The following ATAD3A variants were observed in gnomAD, a reference collection of about 807,000 sequenced individuals.
The protein encoded by ATAD3A is ATPase family AAA domain containing 3A.
Under a neutral mutation model 73.8 loss-of-function variants are expected in ATAD3A, and 46 were observed. The ratio of observed to expected loss-of-function variants is 0.62; its 90% CI spans 0.49 to 0.80. The LOEUF (loss-of-function observed/expected upper bound fraction) is 0.80, where lower values mean the gene tolerates loss of function less well. ATAD3A is among the 30% of genes least tolerant of loss of function. The probability of loss-of-function intolerance (pLI) is 0.00; values close to 1 mark genes in which losing one functional copy is unlikely to be tolerated. For synonymous variants in ATAD3A, 319 were observed against 350.0 expected (o/e 0.91, Z 0.99); for missense variants, 705 against 838.0 (o/e 0.84, Z 1.96).
chr1:1,527,917 C>T (rs1313505489), intron 14 of ATAD3A, 55 bp downstream of exon 14: 4 of 1,554,594 alleles, frequency 2.6e-6, no homozygotes, highest in Non-Finnish European at 3.5e-6. Flanking sequence ...AGGGTCCACC[C>T]CGACCCACAG....
At chr1:1,518,290 C>A (rs1641440567) in intron 4 of ATAD3A, among the ~76,000 whole-genome samples, 1 of 138,334 alleles carries the variant, frequency 7.2e-6, no homozygotes, top group African/African-American at 2.7e-5. Context: ...GTACGTACCC[C>A]CCCACACACA....
In ATAD3A at chr1:1,512,174, C is replaced by T. The variant is rs1641211784; in HGVS notation, c.-95C>T. 6 of 1,213,172 alleles carry T rather than the reference C, an allele frequency of 4.9e-6. No homozygotes were observed. The highest frequency in any genetic ancestry group is 1.6e-5 in the African/African-American group (1 of 63,306). The allele number at this position is 1,213,172 out of a possible 1,614,324, so 75.2% of individuals were successfully genotyped here. On this transcript the variant is annotated 5_prime_UTR_variant, in exon 1 of 16. Coordinates refer to ENST00000378756, the MANE Select transcript of ATAD3A (RefSeq NM_001170535.3). ...GTGGCGCCTGCGCAGTGGCGGTGAC[C>T]ACCGGCTCGCGGCGCGTGGAGGCTG...
intron 15 of ATAD3A, among the ~76,000 whole-genome samples, chr1:1,532,162 A>G (rs1306576353): frequency 2.0e-5 from 3 of 151,988 alleles, no homozygotes; most frequent in Non-Finnish European, 2.9e-5. Flanking sequence ...AGGGTGTATA[A>G]TTTTTTTATT....
rs766720863 is a variant in ATAD3A, at chr1:1,530,552, G to A, written c.1614+1221G>A. On this transcript the variant is annotated intron_variant, in intron 15 of 15. Transcript: ENST00000378756. ...GTCTTAAAAACTAAGAATAATGGCC[G>A]GGCGCGGTGGCTCACGCCTGTAATC... Among the ~76,000 whole-genome samples the A allele has an allele frequency of 6.6e-4, 69 of 105,112 alleles. 2 individuals are homozygous for A. The highest frequency in any genetic ancestry group is 1.5e-3 in the Admixed American group (15 of 10,256). The allele number at this position is 105,112 out of a possible 152,430, so 69.0% of individuals were successfully genotyped here.
At chr1:1,525,013 C>T (rs1280592609) in intron 11 of ATAD3A, among the ~76,000 whole-genome samples, 1 of 152,164 alleles carries the variant, frequency 6.6e-6, no homozygotes, top group Non-Finnish European at 1.5e-5. Flanking sequence ...GTTCGTCGCC[C>T]CCGTGTGTGG....
chr1:1,530,189 G>A (rs1167020627), intron 15 of ATAD3A, among the ~76,000 whole-genome samples: 1 of 152,206 alleles, frequency 6.6e-6, no homozygotes, highest in Non-Finnish European at 1.5e-5. Context: ...TGGGTCAGCT[G>A]AGGTCTCTGT....
At chr1:1,519,047 G>A (rs1295677756) in intron 5 of ATAD3A, 57 bp downstream of exon 5, 16 of 1,613,280 alleles carry the variant, frequency 9.9e-6, no homozygotes, top group African/African-American at 4.0e-5. Flanking sequence ...TTGTGGACCC[G>A]GCGTGCACTC....
intron 13 of ATAD3A, among the ~76,000 whole-genome samples, chr1:1,527,458 TA>T (rs1230847973): frequency 2.0e-5 from 3 of 152,174 alleles, no homozygotes; most frequent in Non-Finnish European, 2.9e-5. Context: ...CGGCACTGCC[TA>T]TCAGGCTGGG....
intron 15 of ATAD3A, among the ~76,000 whole-genome samples, chr1:1,531,041 C>T (rs1642016952): frequency 6.6e-6 from 1 of 152,020 alleles, no homozygotes; most frequent in African/African-American, 2.4e-5. Context: ...GCCTGTAGTC[C>T]CAGCTACTCA....
intron 7 of ATAD3A, among the ~76,000 whole-genome samples, chr1:1,521,528 C>T (rs368088258): frequency 9.9e-5 from 15 of 152,132 alleles, no homozygotes; most frequent in Non-Finnish European, 1.8e-4. Flanking sequence ...GGTAGGTGCC[C>T]GGCACTGAGT....
chr1:1,516,101 G>A lies in ATAD3A; in HGVS notation c.282+13G>A, dbSNP rs368473476. On this transcript the variant is annotated intron_variant, in intron 2 of 15. Transcript: ENST00000378756. ...GTCCAAGCTCAAAGTGAGTGGGGCC[G>A]GTGTGGGTGGGGAGGCCGGGGCGCA... is the stretch of plus-strand genomic sequence containing the variant. 32 of 1,612,858 alleles carry A rather than the reference G, an allele frequency of 2.0e-5. No homozygotes were observed. In the East Asian group the frequency reaches 5.1e-4, roughly 26 times the overall value.
intron 12 of ATAD3A, 122 bp downstream of exon 12, chr1:1,525,413 C>CA: frequency 4.0e-6 from 3 of 745,684 alleles, no homozygotes; most frequent in Non-Finnish European, 5.9e-6. Flanking sequence ...TGAAAAACAG[C>CA]TTTTTTTTTT....
chr1:1,516,837 G>A (rs775844387), intron 2 of ATAD3A, among the ~76,000 whole-genome samples: 5 of 151,712 alleles, frequency 3.3e-5, no homozygotes, highest in Admixed American at 6.6e-5. Flanking sequence ...CTCAGCCTCC[G>A]AGCAGCTGGG....
intron 14 of ATAD3A, 103 bp from the exon 15 acceptor site, chr1:1,529,114 AAAGAGG>A (rs1641947953): frequency 6.6e-7 from 1 of 1,504,020 alleles, no homozygotes; most frequent in Non-Finnish European, 9.0e-7. Flanking sequence ...GAGCCCCTCC[AAAGAGG>A]ATGTTTGGCG....
At chr1:1,531,012 C>T (rs1398177597) in intron 15 of ATAD3A, among the ~76,000 whole-genome samples, 4 of 151,826 alleles carry the variant, frequency 2.6e-5, no homozygotes, top group Non-Finnish European at 4.4e-5. Context: ...AAAATTACCC[C>T]GGCACATTTG....
intron 1 of ATAD3A, among the ~76,000 whole-genome samples, chr1:1,513,021 C>G (rs889844948): frequency 1.6e-4 from 24 of 152,240 alleles, no homozygotes; most frequent in African/African-American, 5.8e-4. Flanking sequence ...AAACCCCTGA[C>G]CCAAGGCCCT....
At chr1:1,533,493 C>T (rs1642105024) in intron 15 of ATAD3A, among the ~76,000 whole-genome samples, 1 of 152,166 alleles carries the variant, frequency 6.6e-6, no homozygotes, top group African/African-American at 2.4e-5. Context: ...CACTCATGTG[C>T]CTCAAGGTGG....
chr1:1,527,576 C>G (rs1478156523), intron 13 of ATAD3A, 119 bp from the exon 14 acceptor site: 1 of 1,330,864 alleles, frequency 7.5e-7, no homozygotes, highest in Non-Finnish European at 1.0e-6. Context: ...GGGCTGTGCC[C>G]GTGTCCTCGT....
At chr1:1,528,881 G>T (rs1401259405) in intron 14 of ATAD3A, among the ~76,000 whole-genome samples, 1 of 152,256 alleles carries the variant, frequency 6.6e-6, no homozygotes, top group Non-Finnish European at 1.5e-5. Context: ...CTGGCACCAT[G>T]ACTTGGCTTC....
Sources: gnomAD v4.1 joint callset for allele counts (sites outside exome capture counted in the v4.1 genomes callset) on GRCh38, gnomAD v4.1.1 for gene constraint, MANE v1.5 for transcripts, NCBI Gene and HGNC (gene_info 2026-07-23, HGNC 2026-07-21) for gene names.